NSG2: variants seen among roughly 807,000 people sequenced by gnomAD.
NSG2 encodes the protein neuronal vesicle trafficking associated 2, also known as neuronal vesicle trafficking-associated protein 2.
In NSG2, 4 loss-of-function variants were observed where a neutral mutation model predicts 16.9. The ratio of observed to expected loss-of-function variants is 0.24; its 90% CI spans 0.12 to 0.54. The LOEUF (loss-of-function observed/expected upper bound fraction) is 0.54. Among genes scored for constraint, NSG2 ranks in the 20% least tolerant of loss-of-function variants. NSG2 has a pLI of 0.95. For synonymous variants in NSG2, 98 were observed against 88.7 expected (o/e 1.11, Z -0.59); for missense variants, 179 against 221.1 (o/e 0.81, Z 1.21).
chr5:174,063,745 T>C (rs1760094579), intron 2 of NSG2, among the ~76,000 whole-genome samples: 1 of 152,102 alleles, frequency 6.6e-6, no homozygotes, highest in Non-Finnish European at 1.5e-5. Flanking sequence ...ATAACTTGTT[T>C]ATATAACCAA....
At chr5:174,061,136 C>CAT (rs1561663075) in intron 2 of NSG2, among the ~76,000 whole-genome samples, 1 of 151,562 alleles carries the variant, frequency 6.6e-6, no homozygotes, top group African/African-American at 2.4e-5. Context: ...GTATATATTA[C>CAT]ACACACACAC....
Position 174,046,769 on chromosome 5 carries a change from A to G in NSG2, c.14A>G (p.Asn5Ser), listed in dbSNP as rs542277159. Residue 5 changes from asparagine to serine, a missense_variant, in exon 2 of 5, where the codon AAC becomes AGC. By Grantham distance (46) the Asn-to-Ser change is conservative (BLOSUM62 1). Coordinates refer to ENST00000303177, the MANE Select transcript of NSG2 (RefSeq NM_015980.5). Reference protein sequence around the residue: MVKLNSNPSEKGTKP... With the variant: MVKLSSNPSEKGTKP... ...AAAGGCGTAAGGATGGTGAAGCTGA[A>G]CAGTAACCCCAGCGAGAAGGGAACC... 2 of 1,614,124 alleles carry G rather than the reference A, an allele frequency of 1.2e-6. No individual in the cohort carries two copies. The highest frequency in any genetic ancestry group is 4.5e-5 in the East Asian group (2 of 44,872).
At chr5:174,063,517 CTTTCTATTT>C (rs1283529892) in intron 2 of NSG2, among the ~76,000 whole-genome samples, 65 of 146,478 alleles carry the variant, frequency 4.4e-4, no homozygotes, top group African/African-American at 1.6e-3. Context: ...TTCATCATAA[CTTTCTATTT>C]TATTTTATTT....
chr5:174,074,612 A>G (rs1042134821), intron 3 of NSG2, among the ~76,000 whole-genome samples: 8 of 152,086 alleles, frequency 5.3e-5, no homozygotes, highest in Middle Eastern at 3.4e-3. Context: ...CCTGCTTCCT[A>G]GGGGCTGCAG....
At position 174,104,297 on chromosome 5, in the gene NSG2, T is replaced by C. The variant is rs1465083671; in HGVS notation, c.283T>C (p.Phe95Leu). ...CIVFLVVYKA[F>L]TYDHSCPEGF... ...CGTGTTCCTGGTGGTTTACAAAGCC[T>C]TCACCTATGATCACAGCTGCCCAGA... Residue 95 changes from phenylalanine (F) to leucine (L), a missense_variant, in exon 4 of 5, where the codon TTC becomes CTC. By Grantham distance (22) the Phe-to-Leu change is conservative. Transcript: ENST00000303177. 6.2e-7 allele frequency: 1 copy of C among 1,614,060 alleles called. No homozygotes were observed. The highest frequency in any genetic ancestry group is 1.3e-5 in the African/African-American group (1 of 74,934).
At chr5:174,087,842 T>G (rs1465830572) in intron 3 of NSG2, among the ~76,000 whole-genome samples, 1 of 152,078 alleles carries the variant, frequency 6.6e-6, no homozygotes, top group Non-Finnish European at 1.5e-5. Flanking sequence ...ACATCATGTT[T>G]TATAAATTCT....
chr5:174,083,674 G>A (rs1760537496), intron 3 of NSG2, among the ~76,000 whole-genome samples: 1 of 152,138 alleles, frequency 6.6e-6, no homozygotes. Flanking sequence ...CAGCTGCTTG[G>A]TTGCCAATGA....
intron 3 of NSG2, among the ~76,000 whole-genome samples, chr5:174,067,834 T>C (rs1760168982): frequency 6.6e-6 from 1 of 152,042 alleles, no homozygotes; most frequent in Admixed American, 6.6e-5. Context: ...CAGGACTTGC[T>C]CCTGGTTGGA....
chr5:174,061,021 A>G (rs1760041202), intron 2 of NSG2, among the ~76,000 whole-genome samples: 1 of 152,190 alleles, frequency 6.6e-6, no homozygotes, highest in Non-Finnish European at 1.5e-5. Context: ...CTTTGGAGCC[A>G]AATTAGAATG....
At chr5:174,099,096 A>G (rs1760859002) in intron 3 of NSG2, among the ~76,000 whole-genome samples, 1 of 152,084 alleles carries the variant, frequency 6.6e-6, no homozygotes, top group Non-Finnish European at 1.5e-5. Context: ...GCTTTGTTGC[A>G]GGGATCAGGC....
At chr5:174,059,351 A>G (rs1760014544) in intron 2 of NSG2, among the ~76,000 whole-genome samples, 1 of 152,130 alleles carries the variant, frequency 6.6e-6, no homozygotes, top group Non-Finnish European at 1.5e-5. Flanking sequence ...TGTACATTTG[A>G]GATGTTCCCA....
intron 3 of NSG2, among the ~76,000 whole-genome samples, chr5:174,096,407 CAG>C (rs1760794888): frequency 6.6e-6 from 1 of 151,948 alleles, no homozygotes; most frequent in African/African-American, 2.4e-5. Context: ...GCATTCTAGG[CAG>C]AGACCAGCAG....
intron 2 of NSG2, among the ~76,000 whole-genome samples, chr5:174,062,877 T>C (rs1231121233): frequency 6.6e-6 from 1 of 152,208 alleles, no homozygotes; most frequent in African/African-American, 2.4e-5. Context: ...TTGACTGTTG[T>C]CTCCAGGGAA....
intron 3 of NSG2, among the ~76,000 whole-genome samples, chr5:174,066,831 A>T (rs1760147352): frequency 6.6e-6 from 1 of 151,852 alleles, no homozygotes; most frequent in African/African-American, 2.4e-5. Context: ...TCTACTAAAA[A>T]TACAAAAAAT....
intron 2 of NSG2, among the ~76,000 whole-genome samples, chr5:174,048,791 A>G (rs991731829): frequency 6.6e-6 from 1 of 152,122 alleles, no homozygotes; most frequent in African/African-American, 2.4e-5. Flanking sequence ...TATCCAGTCC[A>G]GGTGCACCAG....
At chr5:174,059,267 T>C (rs548399126) in intron 2 of NSG2, among the ~76,000 whole-genome samples, 28 of 152,330 alleles carry the variant, frequency 1.8e-4, no homozygotes, top group African/African-American at 6.7e-4. Context: ...ATGAAATTCA[T>C]CAATGTATAT....
chr5:174,066,155 C>A (rs979161716), intron 3 of NSG2: 23 of 455,814 alleles, frequency 5.0e-5, no homozygotes, highest in Non-Finnish European at 9.3e-5. Context: ...AGATGCCACC[C>A]TCCTCTTGGA....
chr5:174,067,066 A>G (rs1438187013), intron 3 of NSG2, among the ~76,000 whole-genome samples: 1 of 151,518 alleles, frequency 6.6e-6, no homozygotes, highest in East Asian at 1.9e-4. Flanking sequence ...TTAAAGAGAG[A>G]ATGTTGAGTG....
chr5:174,104,145 C>G, intron 3 of NSG2, 83 bp from the exon 4 acceptor site: 1 of 944,104 alleles, frequency 1.1e-6, no homozygotes, highest in Non-Finnish European at 1.7e-6. Flanking sequence ...ATGCTGCCTG[C>G]CAGTTCTAGG....
Sources: gnomAD v4.1 joint callset for allele counts (sites outside exome capture counted in the v4.1 genomes callset) on GRCh38, gnomAD v4.1.1 for gene constraint, MANE v1.5 for transcripts, NCBI Gene and HGNC (gene_info 2026-07-23, HGNC 2026-07-21) for gene names.